ARHGAP5: variants seen among roughly 807,000 people sequenced by gnomAD.
ARHGAP5 encodes Rho GTPase activating protein 5, also known as rho GTPase-activating protein 5.
In ARHGAP5, 23 loss-of-function variants were observed where a neutral mutation model predicts 116.6. The ratio of observed to expected loss-of-function variants is 0.20; its 90% CI spans 0.14 to 0.28. The LOEUF (loss-of-function observed/expected upper bound fraction) is 0.28. ARHGAP5 is among the 10% of genes least tolerant of loss of function. The probability of loss-of-function intolerance (pLI) is 1.00; values close to 1 mark genes in which losing one functional copy is unlikely to be tolerated. For missense variants in ARHGAP5, 1,405 were observed against 1,774.8 expected, an observed-to-expected ratio of 0.79 and a Z score of 3.74; for synonymous variants, 574 against 602.0, an observed-to-expected ratio of 0.95 and a Z score of 0.68.
At chr14:32,095,520 C>G (rs1255283731) in intron 2 of ARHGAP5, among the ~76,000 whole-genome samples, 1 of 149,332 alleles carries the variant, frequency 6.7e-6, no homozygotes, top group Non-Finnish European at 1.5e-5. Context: ...TCAAGCGATT[C>G]TCCTGCCTCA....
chr14:32,126,228 TTTG>T (rs1441117098), intron 3 of ARHGAP5, among the ~76,000 whole-genome samples: 2 of 151,810 alleles, frequency 1.3e-5, no homozygotes, highest in African/African-American at 2.4e-5. Flanking sequence ...GTGGGTTTTT[TTTG>T]TTTGTTTGTT....
chr14:32,148,118 A>G (rs1881465370), intron 4 of ARHGAP5, among the ~76,000 whole-genome samples: 1 of 152,116 alleles, frequency 6.6e-6, no homozygotes, highest in Admixed American at 6.5e-5. Context: ...GTACCACTGC[A>G]CTCCAGCCTG....
At position 32,092,387 on chromosome 14, in the gene ARHGAP5, C is replaced by T. The variant is rs753081970; in HGVS notation, c.1718C>T (p.Ala573Val). 1.9e-6 allele frequency: 3 copies of T among 1,613,390 alleles called. No homozygotes were observed. The highest frequency in any genetic ancestry group is 2.5e-6 in the Non-Finnish European group (3 of 1,179,706). Reference protein sequence around the residue: ...CTDIKVEQLLASSLLQLDHGR... With the variant: ...CTDIKVEQLLVSSLLQLDHGR... Reference sequence around the variant, plus strand: ...GACATTAAAGTGGAGCAGTTACTTGCTAGTAGTCTTTTACAGTTGGATCAT... The same window carrying T: ...GACATTAAAGTGGAGCAGTTACTTGTTAGTAGTCTTTTACAGTTGGATCAT... Residue 573 changes from alanine to valine, a missense_variant, in exon 2 of 7, where the codon GCT (alanine) becomes GTT (valine). Physicochemically the swap from Ala to Val is moderately conservative, Grantham distance 64 (BLOSUM62 0). Transcript: ENST00000345122. The surrounding 1 kb of genome is among the most constrained non-coding windows in gnomAD (Gnocchi z 4.1).
chr14:32,140,116 T>TTTTTTTTTTTTTTTTTTTTC (rs1881047521), intron 3 of ARHGAP5, among the ~76,000 whole-genome samples: 1 of 84,950 alleles, frequency 1.2e-5, no homozygotes, highest in Non-Finnish European at 2.3e-5. Context: ...TTTTTTTTCC[T>TTTTTTTTTTTTTTTTTTTTC]TTTTTTTTTT....
intron 1 of ARHGAP5, among the ~76,000 whole-genome samples, chr14:32,085,541 T>C (rs2041820404): frequency 6.6e-6 from 1 of 152,254 alleles, no homozygotes; most frequent in African/African-American, 2.4e-5. Flanking sequence ...GAACAAATTA[T>C]TCATCTTTTA....
At position 32,082,526 on chromosome 14, in the gene ARHGAP5, A is replaced by G. The variant is rs1018604414; in HGVS notation, c.-169+5091A>G. ...AGTTACCAAGCTCTCTTTGTCTTGC[A>G]TTGCTCTTTTATTGATTAATTAATT... is the stretch of plus-strand genomic sequence containing the variant. On this transcript the variant is annotated intron_variant, in intron 1 of 6. Transcript: ENST00000345122. Among the ~76,000 whole-genome samples, 12 of 151,804 alleles carry G rather than the reference A, an allele frequency of 7.9e-5. No individual in the cohort carries two copies. The South Asian group carries it at 1.2e-3, about 16-fold the overall frequency.
Position 32,090,138 on chromosome 14 carries a change from G to A in ARHGAP5, c.-168-364G>A, listed in dbSNP as rs569635120. ...GTTGCAAGTCAACTAGTACATTTTA[G>A]TTATCACCAGCATCGCCTCCAGTGA... On this transcript the variant is annotated intron_variant, in intron 1 of 6. Coordinates refer to ENST00000345122, the MANE Select transcript of ARHGAP5 (RefSeq NM_001030055.2). Among the ~76,000 whole-genome samples, 8 of 152,042 alleles carry A rather than the reference G, an allele frequency of 5.3e-5. 1 individual carries two copies. The South Asian group carries it at 1.5e-3, about 28-fold the overall frequency.
chr14:32,095,447 T>G (rs1046311183), intron 2 of ARHGAP5, among the ~76,000 whole-genome samples: 1 of 150,454 alleles, frequency 6.6e-6, no homozygotes, highest in African/African-American at 2.4e-5. Flanking sequence ...AGTTTCGCTC[T>G]TGTTTCCCAG....
In ARHGAP5 at chr14:32,157,291, A is replaced by G. The variant is rs769381868; in HGVS notation, c.*2343A>G. 10 of 152,198 alleles carry G rather than the reference A, an allele frequency of 6.6e-5. No homozygotes were observed. The highest frequency in any genetic ancestry group is 1.0e-4 in the Non-Finnish European group (7 of 67,788). The allele number at this position is 152,198 out of a possible 1,614,324, so 9.4% of individuals were successfully genotyped here. A position where few individuals can be genotyped will look rare whatever the true frequency, so the allele number is the denominator to read the frequency against. On this transcript the variant is annotated 3_prime_UTR_variant, in exon 7 of 7. Coordinates refer to ENST00000345122, the MANE Select transcript of ARHGAP5 (RefSeq NM_001030055.2). ...ATGCTTTTAAATATTAGAAACATCT[A>G]AGAACAGAATAACATAATTAAACTT... is the stretch of plus-strand genomic sequence containing the variant.
At position 32,157,559 on chromosome 14, in the gene ARHGAP5, G is replaced by T. The variant is rs1220123061; in HGVS notation, c.*2611G>T. ...TAGATTAGCAATATAAAGAAGCATAGTGGTACTCTGTTTCACACTTTCAGT... is the reference window on the plus strand; with the variant it reads ...TAGATTAGCAATATAAAGAAGCATATTGGTACTCTGTTTCACACTTTCAGT... On this transcript the variant is annotated 3_prime_UTR_variant, in exon 7 of 7. Coordinates refer to ENST00000345122, the MANE Select transcript of ARHGAP5 (RefSeq NM_001030055.2). 2 of 152,180 alleles carry T rather than the reference G, an allele frequency of 1.3e-5. No homozygotes were observed. The highest frequency in any genetic ancestry group is 3.0e-5 in the Non-Finnish European group (2 of 67,720). 9.4% of individuals were successfully genotyped at this position (152,180 alleles called of 1,614,324 possible).
In ARHGAP5 at chr14:32,091,122, A is replaced by G; in HGVS notation, c.453A>G (p.Glu151=). 2 of 1,613,700 alleles carry G rather than the reference A, an allele frequency of 1.2e-6. No individual in the cohort carries two copies. Among genetic ancestry groups the G allele is most frequent in the South Asian group, 2.2e-5 (2 of 91,064 alleles). ...EQDFEQKQMP[E]GKLNVDGFLL... is the part of the protein sequence containing the mutation. ...ACTTTGAACAGAAGCAAATGCCTGA[A>G]GGGAAGCTCAACGTAGATGGATTTT... The change falls in exon 2 of 7, where the codon GAA becomes GAG. Residue 151 remains glutamate (E), a synonymous_variant. Coordinates refer to ENST00000345122, the MANE Select transcript of ARHGAP5 (RefSeq NM_001030055.2).
intron 5 of ARHGAP5, 131 bp downstream of exon 5, chr14:32,150,164 T>G (rs1351607548): frequency 1.5e-6 from 1 of 671,482 alleles, no homozygotes; most frequent in African/African-American, 1.9e-5. Flanking sequence ...ACTCTATTTC[T>G]TAAAGGCATT....
chr14:32,142,314 CTT>C (rs1881164787), intron 3 of ARHGAP5, among the ~76,000 whole-genome samples: 1 of 152,066 alleles, frequency 6.6e-6, no homozygotes, highest in Non-Finnish European at 1.5e-5. Flanking sequence ...TTGTATGCCT[CTT>C]TTGTTGAAAA....
intron 4 of ARHGAP5, among the ~76,000 whole-genome samples, chr14:32,148,490 C>T (rs2139143864): frequency 6.6e-6 from 1 of 152,242 alleles, no homozygotes; most frequent in Admixed American, 6.5e-5. Context: ...TCTCTCCGAG[C>T]ACCATATTAA....
At chr14:32,095,516 G>A (rs912011250) in intron 2 of ARHGAP5, among the ~76,000 whole-genome samples, 6 of 151,108 alleles carry the variant, frequency 4.0e-5, no homozygotes, top group African/African-American at 1.2e-4. Context: ...GGGTTCAAGC[G>A]ATTCTCCTGC....
chr14:32,116,051 G>C (rs975596345), intron 2 of ARHGAP5, among the ~76,000 whole-genome samples: 1 of 151,882 alleles, frequency 6.6e-6, no homozygotes, highest in Non-Finnish European at 1.5e-5. Context: ...ACTTTGGGAG[G>C]CTGAGGCGGG....
rs1477892843 is a variant in ARHGAP5, at chr14:32,094,252, A to G, written c.3583A>G (p.Ser1195Gly). Residue 1195 changes from serine to glycine, a missense_variant, in exon 2 of 7, where the codon AGT (serine) becomes GGT (glycine). Physicochemically the swap from Ser to Gly is moderately conservative, Grantham distance 56. This residue lies in a region of ARHGAP5 where 944 missense variants were observed against 1,095.3 expected (regional missense o/e 0.86). Coordinates refer to ENST00000345122, the MANE Select transcript of ARHGAP5 (RefSeq NM_001030055.2). Reference protein sequence around the residue: ...KTKRKGRHRGSEEDPLLSPVE... With the variant: ...KTKRKGRHRGGEEDPLLSPVE... ...AAAAAGAAAAGGAAGACATCGTGGAAGTGAAGAAGATCCACTTCTTTCTCC... is the reference window on the plus strand; with the variant it reads ...AAAAAGAAAAGGAAGACATCGTGGAGGTGAAGAAGATCCACTTCTTTCTCC... 2 of 1,613,828 alleles carry G rather than the reference A, an allele frequency of 1.2e-6. No homozygotes were observed. Among genetic ancestry groups the G allele is most frequent in the Admixed American group, 3.3e-5 (2 of 60,000 alleles).
chr14:32,133,591 T>G (rs543233495), intron 3 of ARHGAP5, among the ~76,000 whole-genome samples: 1 of 152,186 alleles, frequency 6.6e-6, no homozygotes, highest in Non-Finnish European at 1.5e-5. Flanking sequence ...TCCTGCCTGA[T>G]TGCCCTGGCC....
At chr14:32,147,615 A>T (rs933989927) in intron 4 of ARHGAP5, among the ~76,000 whole-genome samples, 1 of 152,210 alleles carries the variant, frequency 6.6e-6, no homozygotes, top group Non-Finnish European at 1.5e-5. Flanking sequence ...TTGCATAAGC[A>T]TGCCAAGATA....
Sources: gnomAD v4.1 joint callset for allele counts (sites outside exome capture counted in the v4.1 genomes callset) on GRCh38, gnomAD v4.1.1 for gene constraint, gnomAD v4.1.1 regional missense constraint, Gnocchi (gnomAD v3.1) non-coding constraint, MANE v1.5 for transcripts, NCBI Gene and HGNC (gene_info 2026-07-23, HGNC 2026-07-21) for gene names.